RBFOX1: variants seen among roughly 807,000 people sequenced by gnomAD.
The protein encoded by RBFOX1 is RNA binding fox-1 homolog 1.
Under a neutral mutation model 57.7 loss-of-function variants are expected in RBFOX1, and 8 were observed. The ratio of observed to expected loss-of-function variants is 0.14; its 90% CI spans 0.08 to 0.25. The LOEUF (loss-of-function observed/expected upper bound fraction) is 0.25, where lower values mean the gene tolerates loss of function less well. Among genes scored for constraint, RBFOX1 ranks in the 10% least tolerant of loss-of-function variants. The pLI is 1.00. For missense variants in RBFOX1, 611 were observed against 548.5 expected (o/e 1.11, Z -1.14); for synonymous variants, 326 against 222.4 (o/e 1.47, Z -4.15).
At chr16:6,394,404 T>G (rs192915155) in intron 2 of RBFOX1, among the ~76,000 whole-genome samples, 1 of 152,258 alleles carries the variant, frequency 6.6e-6, no homozygotes, top group South Asian at 2.1e-4. Context: ...CTAACTGAAC[T>G]GAATTACAGG....
At chr16:5,851,734 C>A (rs1253558395) in intron 3 of RBFOX1, among the ~76,000 whole-genome samples, 1 of 152,188 alleles carries the variant, frequency 6.6e-6, no homozygotes, top group Non-Finnish European at 1.5e-5. Context: ...ATACTGTGTC[C>A]TTTTAAAAAG....
At chr16:6,776,184 G>C (rs2079304161) in intron 3 of RBFOX1, among the ~76,000 whole-genome samples, 1 of 152,186 alleles carries the variant, frequency 6.6e-6, no homozygotes, top group African/African-American at 2.4e-5. Flanking sequence ...GGCCAGTGCA[G>C]ACAGATCACT....
intron 1 of RBFOX1, among the ~76,000 whole-genome samples, chr16:5,281,783 T>C (rs2063277148): frequency 6.6e-6 from 1 of 152,240 alleles, no homozygotes; most frequent in African/African-American, 2.4e-5. Flanking sequence ...GTATATCTTT[T>C]TCAATCCCTT....
intron 4 of RBFOX1, among the ~76,000 whole-genome samples, chr16:7,106,122 C>T (rs1014169623): frequency 3.9e-5 from 6 of 152,178 alleles, no homozygotes; most frequent in African/African-American, 1.4e-4. Context: ...AACTCCTTTA[C>T]CGTGAATCTA....
intron 1 of RBFOX1, among the ~76,000 whole-genome samples, chr16:6,209,363 G>C (rs368220574): frequency 6.6e-6 from 1 of 151,276 alleles, no homozygotes; most frequent in African/African-American, 2.4e-5. Flanking sequence ...AGAGATCCCT[G>C]CCCACCTTCA....
chr16:7,658,575 G>A (rs2066904991), intron 12 of RBFOX1, among the ~76,000 whole-genome samples: 1 of 152,110 alleles, frequency 6.6e-6, no homozygotes, highest in Admixed American at 6.5e-5. Flanking sequence ...GCAAGTGGAG[G>A]CTTTGGAGAC....
chr16:6,653,144 C>T (rs760376115), intron 2 of RBFOX1, among the ~76,000 whole-genome samples: 4 of 152,056 alleles, frequency 2.6e-5, no homozygotes, highest in South Asian at 2.1e-4. Flanking sequence ...TTGGCTCATC[C>T]CCCTAACTTC....
intron 1 of RBFOX1, among the ~76,000 whole-genome samples, chr16:6,058,169 A>G (rs1012343162): frequency 4.6e-5 from 7 of 152,144 alleles, no homozygotes; most frequent in African/African-American, 7.2e-5. Flanking sequence ...TGCAAGTAAC[A>G]TGCTTCTTTA....
At chr16:7,702,114 C>G (rs780353202) in intron 14 of RBFOX1, among the ~76,000 whole-genome samples, 1 of 152,158 alleles carries the variant, frequency 6.6e-6, no homozygotes, top group Non-Finnish European at 1.5e-5. Flanking sequence ...AACATTTTCT[C>G]AAATGGATGC....
intron 3 of RBFOX1, among the ~76,000 whole-genome samples, chr16:6,810,817 G>A (rs553864312): frequency 1.3e-5 from 2 of 152,232 alleles, no homozygotes; most frequent in South Asian, 4.1e-4. Context: ...TCACTATCAG[G>A]AGAACAGTGT....
chr16:6,876,354 A>G (rs2061844955), intron 3 of RBFOX1, among the ~76,000 whole-genome samples: 1 of 152,290 alleles, frequency 6.6e-6, no homozygotes, highest in East Asian at 1.9e-4. Context: ...ACCATCAAAG[A>G]AAAATAATAT....
At chr16:5,665,727 C>A (rs77805090) in intron 3 of RBFOX1, among the ~76,000 whole-genome samples, 1 of 152,184 alleles carries the variant, frequency 6.6e-6, no homozygotes, top group Non-Finnish European at 1.5e-5. Flanking sequence ...CTGATCTTAG[C>A]ACAGATCCTG....
At position 6,844,164 on chromosome 16, in the gene RBFOX1, C is replaced by T. The variant is rs556774425; in HGVS notation, c.-16+189514C>T. Reference sequence around the variant, plus strand: ...CATCATTACCCCTACAGGCCAGTCCCCTTATAGCTTCTGGAGGAATCTTCT... The same window carrying T: ...CATCATTACCCCTACAGGCCAGTCCTCTTATAGCTTCTGGAGGAATCTTCT... On this transcript the variant is annotated intron_variant, in intron 3 of 15. Transcript: ENST00000550418. 1.7e-3 allele frequency among the ~76,000 whole-genome samples: 256 copies of T among 151,934 alleles called. 6 individuals carry two copies. The highest frequency in any genetic ancestry group is 0.017 in the Admixed American group (252 of 15,262).
At chr16:7,356,663 C>T (rs558547100) in intron 4 of RBFOX1, among the ~76,000 whole-genome samples, 13 of 152,278 alleles carry the variant, frequency 8.5e-5, no homozygotes, top group African/African-American at 1.2e-4. Flanking sequence ...GTAAGCTTTA[C>T]GTTAAGGGCA....
At chr16:6,989,747 TC>T (rs1053401819) in intron 3 of RBFOX1, among the ~76,000 whole-genome samples, 23 of 152,134 alleles carry the variant, frequency 1.5e-4, no homozygotes, top group African/African-American at 5.5e-4. Context: ...CACCTGTAAT[TC>T]CAGCACTTTG....
chr16:7,552,635 C>T (rs1601644396), intron 5 of RBFOX1, among the ~76,000 whole-genome samples: 1 of 152,138 alleles, frequency 6.6e-6, no homozygotes, highest in Non-Finnish European at 1.5e-5. Context: ...ATGTCTAAAG[C>T]ATTTCCGACA....
chr16:5,537,101 C>A (rs1317992837), intron 2 of RBFOX1, among the ~76,000 whole-genome samples: 1 of 152,196 alleles, frequency 6.6e-6, no homozygotes, highest in Non-Finnish European at 1.5e-5. Flanking sequence ...CTTCTGCTAG[C>A]AGTCTGTTCA....
At chr16:5,872,299 G>A (rs1252117479) in intron 4 of RBFOX1, among the ~76,000 whole-genome samples, 1 of 152,236 alleles carries the variant, frequency 6.6e-6, no homozygotes, top group Admixed American at 6.5e-5. Context: ...TGTAGATGAG[G>A]TGTGAATGAT....
chr16:5,536,376 A>T (rs2151047952), intron 2 of RBFOX1, among the ~76,000 whole-genome samples: 1 of 151,884 alleles, frequency 6.6e-6, no homozygotes, highest in African/African-American at 2.4e-5. Context: ...CTGGGATTAC[A>T]GGTGCCCGCC....
Sources: gnomAD v4.1 joint callset for allele counts (sites outside exome capture counted in the v4.1 genomes callset) on GRCh38, gnomAD v4.1.1 for gene constraint, MANE v1.5 for transcripts, NCBI Gene and HGNC (gene_info 2026-07-23, HGNC 2026-07-21) for gene names.